The following NR1H4 variants were observed in gnomAD, a reference collection of about 807,000 sequenced individuals.
The protein encoded by NR1H4 is nuclear receptor subfamily 1 group H member 4.
NR1H4 carries 23 observed loss-of-function variants against 58.5 expected under a neutral mutation model. The ratio of observed to expected loss-of-function variants is 0.39; its 90% CI spans 0.28 to 0.56. The LOEUF is 0.56. Ranked by LOEUF, NR1H4 falls within the 20% of genes least tolerant of loss-of-function variation. NR1H4 has a pLI of 0.58. For missense variants in NR1H4, 487 were observed against 576.9 expected (o/e 0.84, Z 1.60); for synonymous variants, 214 against 198.0 (o/e 1.08, Z -0.68).
chr12:100,506,046 G>C (rs78996454), intron 3 of NR1H4, among the ~76,000 whole-genome samples: 175 of 127,176 alleles, frequency 1.4e-3, no homozygotes, highest in African/African-American at 5.2e-3. Context: ...CACACACAGA[G>C]AGAGAGAGAG....
intron 9 of NR1H4, among the ~76,000 whole-genome samples, chr12:100,548,653 AC>A (rs1162185749): frequency 6.6e-6 from 1 of 152,134 alleles, no homozygotes; most frequent in South Asian, 2.1e-4. Flanking sequence ...TTATTTGTTT[AC>A]TTTTTTTTAA....
At chr12:100,558,034 T>C (rs1211892664) in intron 9 of NR1H4, among the ~76,000 whole-genome samples, 1 of 152,004 alleles carries the variant, frequency 6.6e-6, no homozygotes, top group Non-Finnish European at 1.5e-5. Flanking sequence ...CACTAAGAAG[T>C]CTGTTTTTTT....
At position 100,563,663 on chromosome 12, in the gene NR1H4, T is replaced by G; in HGVS notation, c.*174T>G. 1 of 619,642 alleles carries G rather than the reference T, an allele frequency of 1.6e-6. No individual in the cohort carries two copies. The highest frequency in any genetic ancestry group is 2.9e-6 in the Non-Finnish European group (1 of 350,830). The allele number at this position is 619,642 out of a possible 1,614,324, so 38.4% of individuals were successfully genotyped here. ...TAAATATTGGGCTAGATAGAACAAC[T>G]TTCTCTACATTGTGTTTTAAAAGGC... On this transcript the variant is annotated 3_prime_UTR_variant, in exon 11 of 11. Transcript: ENST00000392986.
At chr12:100,516,886 T>C (rs1024214332) in intron 4 of NR1H4, among the ~76,000 whole-genome samples, 4 of 152,198 alleles carry the variant, frequency 2.6e-5, no homozygotes, top group Admixed American at 2.0e-4. Context: ...TTATGTCCAT[T>C]TTATTTTATT....
intron 9 of NR1H4, 34 bp from the exon 10 acceptor site, chr12:100,561,849 CAA>C (rs34548864): frequency 1.1e-6 from 1 of 892,928 alleles, no homozygotes; most frequent in Non-Finnish European, 1.9e-6. Flanking sequence ...TTTAGTCACT[CAA>C]AAATTGTATT....
chr12:100,535,633 C>G (rs965270304), intron 6 of NR1H4, among the ~76,000 whole-genome samples: 1 of 152,224 alleles, frequency 6.6e-6, no homozygotes, highest in Non-Finnish European at 1.5e-5. Context: ...AAACCACACC[C>G]TTCTCAATAT....
rs776073239 is a variant in NR1H4 at position 100,510,923 on chromosome 12, G to A, written c.225G>A (p.Gln75=). 6.2e-7 allele frequency: 1 copy of A among 1,614,172 alleles called. No homozygotes were observed. The highest frequency in any genetic ancestry group is 8.5e-7 in the Non-Finnish European group (1 of 1,180,022). Residue 75 remains glutamine, a synonymous_variant, in exon 4 of 11, where the codon CAG becomes CAA. Transcript: ENST00000392986. ...SYYSNLGFYP[Q]QPEEWYSPGI... ...ATTCCAACCTGGGTTTCTACCCCCA[G>A]CAGCCTGAAGAGTGGTACTCTCCTG...
chr12:100,530,023 A>G (rs879932515), intron 4 of NR1H4, among the ~76,000 whole-genome samples: 2 of 151,938 alleles, frequency 1.3e-5, no homozygotes, highest in Non-Finnish European at 2.9e-5. Context: ...CTATCTCATC[A>G]CTCATATTTT....
intron 7 of NR1H4, 93 bp from the exon 8 acceptor site, chr12:100,536,855 A>G (rs1277550935): frequency 1.1e-5 from 9 of 810,028 alleles, no homozygotes; most frequent in East Asian, 1.0e-4. Context: ...TTCAAATTTT[A>G]TCATCTAAAC....
At chr12:100,532,216 C>A (rs558923124) in intron 4 of NR1H4, among the ~76,000 whole-genome samples, 25 of 152,306 alleles carry the variant, frequency 1.6e-4, no homozygotes, top group Middle Eastern at 6.8e-3. Flanking sequence ...AACAAATTCA[C>A]ATTTTTCCTA....
intron 1 of NR1H4, among the ~76,000 whole-genome samples, chr12:100,480,899 C>T (rs1278916385): frequency 2.0e-5 from 3 of 152,254 alleles, no homozygotes; most frequent in East Asian, 1.9e-4. Flanking sequence ...TTGATGTGGC[C>T]GTCAGCTGGG....
chr12:100,554,346 T>C (rs1304076185), intron 9 of NR1H4, among the ~76,000 whole-genome samples: 2 of 151,912 alleles, frequency 1.3e-5, no homozygotes, highest in Non-Finnish European at 1.5e-5. Flanking sequence ...TAGAGGTATT[T>C]AAGATACTAG....
intron 9 of NR1H4, among the ~76,000 whole-genome samples, chr12:100,546,089 T>G (rs555784362): frequency 1.4e-4 from 21 of 152,198 alleles, no homozygotes; most frequent in African/African-American, 5.1e-4. Context: ...GAGACAAGAC[T>G]GGTGAAAGTG....
At chr12:100,503,626 C>A in intron 3 of NR1H4, 1 of 885,194 alleles carries the variant, frequency 1.1e-6, no homozygotes, top group Non-Finnish European at 1.6e-6. Flanking sequence ...ACCCAGAAGA[C>A]TGGAATGAGA....
rs547955582 is a variant in NR1H4 at position 100,560,195 on chromosome 12, C to T, written c.1079-1690C>T. 2.6e-4 allele frequency among the ~76,000 whole-genome samples: 40 copies of T among 152,320 alleles called. 1 individual carries two copies. The highest frequency in any genetic ancestry group is 1.8e-3 in the Admixed American group (28 of 15,300). ...CAGGGATTGTAAATGTACCAATCAG[C>T]GCCCTGACAAAACAGGCCACTGGGC... On this transcript the variant is annotated intron_variant, in intron 9 of 10. Transcript: ENST00000392986.
At chr12:100,479,009 T>A (rs1191580334) in intron 1 of NR1H4, among the ~76,000 whole-genome samples, 1 of 152,246 alleles carries the variant, frequency 6.6e-6, no homozygotes, top group Non-Finnish European at 1.5e-5. Flanking sequence ...CTGTGTTTAC[T>A]GGCCACTTGT....
chr12:100,510,698 T>A lies in NR1H4; in HGVS notation c.80-80T>A, dbSNP rs576314479. 22 of 1,505,222 alleles carry A rather than the reference T, an allele frequency of 1.5e-5. No homozygotes were observed. In the South Asian group the frequency reaches 2.5e-4, roughly 17 times the overall value. The allele number at this position is 1,505,222 out of a possible 1,614,324, so 93.2% of individuals were successfully genotyped here. A position where few individuals can be genotyped will look rare whatever the true frequency, so the allele number is the denominator to read the frequency against. On this transcript the variant is annotated intron_variant, in intron 3 of 10. Coordinates refer to ENST00000392986, the MANE Select transcript of NR1H4 (RefSeq NM_001206979.2). Reference sequence around the variant, plus strand: ...TTCAATCTTTTCTTAGAGCCCACACTCCTAACCATTACGCCAAACTGCCTC... The same window carrying A: ...TTCAATCTTTTCTTAGAGCCCACACACCTAACCATTACGCCAAACTGCCTC...
intron 3 of NR1H4, among the ~76,000 whole-genome samples, chr12:100,504,807 A>C (rs371327215): frequency 1.3e-5 from 2 of 152,248 alleles, no homozygotes; most frequent in Non-Finnish European, 2.9e-5. Flanking sequence ...CTTAGGTAGT[A>C]TCTCATACCA....
chr12:100,501,950 A>G (rs1953844972), intron 3 of NR1H4, among the ~76,000 whole-genome samples: 1 of 152,184 alleles, frequency 6.6e-6, no homozygotes, highest in Admixed American at 6.5e-5. Flanking sequence ...AAAACAACCA[A>G]TAGACTTAAG....
Sources: gnomAD v4.1 joint callset for allele counts (sites outside exome capture counted in the v4.1 genomes callset) on GRCh38, gnomAD v4.1.1 for gene constraint, MANE v1.5 for transcripts, NCBI Gene and HGNC (gene_info 2026-07-23, HGNC 2026-07-21) for gene names.